Variants in XPR1 observed in about 807,000 individuals in gnomAD.
XPR1 encodes the protein xenotropic and polytropic retrovirus receptor 1.
Under a neutral mutation model 87.5 loss-of-function variants are expected in XPR1, and 28 were observed. The observed-to-expected ratio is 0.32, with a 90% CI of 0.24 to 0.44. XPR1 has a LOEUF of 0.44. XPR1 is among the 20% of genes least tolerant of loss of function. The pLI is 1.00. For synonymous variants in XPR1, 300 were observed against 306.1 expected (o/e 0.98, Z 0.21); for missense variants, 559 against 862.3 (o/e 0.65, Z 4.41).
intron 2 of XPR1, among the ~76,000 whole-genome samples, chr1:180,695,885 T>G (rs1229165046): frequency 6.6e-6 from 1 of 152,192 alleles, no homozygotes; most frequent in Admixed American, 6.5e-5. Context: ...GCTCTGTTCT[T>G]TTTGCTTGGG....
At chr1:180,651,551 A>G (rs1655292134) in intron 1 of XPR1, among the ~76,000 whole-genome samples, 1 of 152,196 alleles carries the variant, frequency 6.6e-6, no homozygotes, top group Admixed American at 6.5e-5. Context: ...TCTTAATGGT[A>G]CATGAAGTAA....
chr1:180,747,574 T>C (rs1361751385), intron 2 of XPR1, among the ~76,000 whole-genome samples: 1 of 152,220 alleles, frequency 6.6e-6, no homozygotes, highest in Non-Finnish European at 1.5e-5. Flanking sequence ...ATAAGTTGAT[T>C]GGAATTTAGA....
chr1:180,649,597 A>T (rs1240260611), intron 1 of XPR1, among the ~76,000 whole-genome samples: 7 of 152,246 alleles, frequency 4.6e-5, no homozygotes, highest in Non-Finnish European at 1.5e-5. Context: ...CACACAACCA[A>T]TATCCTAGTT....
chr1:180,745,464 G>C (rs1386881883), intron 2 of XPR1, among the ~76,000 whole-genome samples: 1 of 152,188 alleles, frequency 6.6e-6, no homozygotes, highest in Non-Finnish European at 1.5e-5. Context: ...CTTCGCTGCT[G>C]TAAGAAGAAA....
chr1:180,884,263 A>C lies in XPR1; in HGVS notation c.*197A>C, dbSNP rs918436393. On this transcript the variant is annotated 3_prime_UTR_variant, in exon 15 of 15. Coordinates refer to ENST00000367590, the MANE Select transcript of XPR1 (RefSeq NM_004736.4). ...TTTCTTTTCTTCTGGTTTAATTTTAATTTTCTATTTTCAAAACAAATATTT... is the reference window on the plus strand; with the variant it reads ...TTTCTTTTCTTCTGGTTTAATTTTACTTTTCTATTTTCAAAACAAATATTT... The C allele has an allele frequency of 4.3e-6, 2 of 470,082 alleles. No homozygotes were observed. The highest frequency in any genetic ancestry group is 7.6e-6 in the Non-Finnish European group (2 of 264,160). The allele number at this position is 470,082 out of a possible 1,614,324, so 29.1% of individuals were successfully genotyped here.
In XPR1 at chr1:180,652,535, A is replaced by G. The variant is rs527582661; in HGVS notation, c.69+20265A>G. On this transcript the variant is annotated intron_variant, in intron 1 of 14. Transcript: ENST00000367590. ...TGTGTCCATGTGACTTTCCAAGAGC[A>G]TTTAGTGGAAGTTAAATTACAGTGT... is the stretch of plus-strand genomic sequence containing the variant. 3.3e-5 allele frequency among the ~76,000 whole-genome samples: 5 copies of G among 152,340 alleles called. No homozygotes were observed. The East Asian group carries it at 9.6e-4, about 29-fold the overall frequency.
intron 9 of XPR1, among the ~76,000 whole-genome samples, chr1:180,825,879 C>T (rs937053508): frequency 1.3e-5 from 2 of 152,034 alleles, no homozygotes; most frequent in African/African-American, 2.4e-5. Flanking sequence ...GGTGAAACCC[C>T]GTCTCTACTA....
In XPR1 at chr1:180,810,538, C is replaced by T. The variant is rs115686385; in HGVS notation, c.682-869C>T. On this transcript the variant is annotated intron_variant, in intron 6 of 14. Coordinates refer to ENST00000367590, the MANE Select transcript of XPR1 (RefSeq NM_004736.4). ...AGGCTTCAGTAAGCTGTGATCACACCCCTGCGCTCCAGCCTAGGCGATAGG... is the reference window on the plus strand; with the variant it reads ...AGGCTTCAGTAAGCTGTGATCACACTCCTGCGCTCCAGCCTAGGCGATAGG... Among the ~76,000 whole-genome samples, 798 of 151,948 alleles carry T rather than the reference C, an allele frequency of 5.3e-3. 1 individual carries two copies. Among genetic ancestry groups the T allele is most frequent in the Non-Finnish European group, 7.5e-3 (508 of 67,960 alleles).
At chr1:180,851,118 A>G (rs1353637234) in intron 11 of XPR1, among the ~76,000 whole-genome samples, 1 of 152,184 alleles carries the variant, frequency 6.6e-6, no homozygotes, top group Non-Finnish European at 1.5e-5. Flanking sequence ...TTATTTGGTT[A>G]TAGAACAAAA....
chr1:180,793,787 A>G (rs1254471816), intron 3 of XPR1, among the ~76,000 whole-genome samples: 1 of 152,168 alleles, frequency 6.6e-6, no homozygotes, highest in Non-Finnish European at 1.5e-5. Context: ...TGTTAAAAAA[A>G]AGTGTTTTAT....
chr1:180,740,679 T>A (rs1461087576), intron 2 of XPR1, among the ~76,000 whole-genome samples: 1 of 152,184 alleles, frequency 6.6e-6, no homozygotes, highest in Non-Finnish European at 1.5e-5. Context: ...CTAAAATGAG[T>A]TGGGAAGTGT....
intron 11 of XPR1, among the ~76,000 whole-genome samples, chr1:180,839,644 A>C (rs1341416742): frequency 6.6e-6 from 1 of 152,186 alleles, no homozygotes; most frequent in Admixed American, 6.5e-5. Context: ...TAGATTAATA[A>C]AAGAAACGGT....
At chr1:180,704,531 T>C (rs1657485521) in intron 2 of XPR1, among the ~76,000 whole-genome samples, 1 of 151,272 alleles carries the variant, frequency 6.6e-6, no homozygotes, top group Admixed American at 6.6e-5. Flanking sequence ...TGTAACATTT[T>C]TCCAAAGATG....
At chr1:180,863,093 C>T (rs1652273285) in intron 11 of XPR1, among the ~76,000 whole-genome samples, 1 of 151,912 alleles carries the variant, frequency 6.6e-6, no homozygotes, top group African/African-American at 2.4e-5. Flanking sequence ...CAATAAACAC[C>T]CTCTAAGAAA....
At chr1:180,805,588 A>G (rs1231941792) in intron 4 of XPR1, among the ~76,000 whole-genome samples, 1 of 152,134 alleles carries the variant, frequency 6.6e-6, no homozygotes, top group East Asian at 1.9e-4. Flanking sequence ...TGGAACATGC[A>G]TGATTGCATG....
intron 11 of XPR1, among the ~76,000 whole-genome samples, chr1:180,853,766 G>A (rs1242966595): frequency 4.1e-5 from 6 of 148,134 alleles, no homozygotes; most frequent in African/African-American, 1.2e-4. Flanking sequence ...ACCTTCTGTG[G>A]CACAAATAAT....
At position 180,652,080 on chromosome 1, in the gene XPR1, T is replaced by A. The variant is rs532256676; in HGVS notation, c.69+19810T>A. On this transcript the variant is annotated intron_variant, in intron 1 of 14. Coordinates refer to ENST00000367590, the MANE Select transcript of XPR1 (RefSeq NM_004736.4). ...GCCAAGGCGCGCGGATCACATGAGG[T>A]CCGGAGTTTGAGACCAGCCTGGTCA... Among the ~76,000 whole-genome samples, 7 of 152,182 alleles carry A rather than the reference T, an allele frequency of 4.6e-5. No individual in the cohort carries two copies. The South Asian group carries it at 1.5e-3, about 32-fold the overall frequency.
intron 1 of XPR1, among the ~76,000 whole-genome samples, chr1:180,681,753 C>T (rs549356231): frequency 9.1e-4 from 139 of 152,194 alleles, no homozygotes; most frequent in Non-Finnish European, 9.6e-4. Flanking sequence ...CTGCAACTTC[C>T]GCCTCCTGGG....
intron 3 of XPR1, among the ~76,000 whole-genome samples, chr1:180,797,029 C>G (rs1049933036): frequency 2.6e-5 from 4 of 152,022 alleles, no homozygotes; most frequent in Admixed American, 2.6e-4. Flanking sequence ...GGATTGACAG[C>G]TAATGGCCAT....
Sources: gnomAD v4.1 joint callset for allele counts (sites outside exome capture counted in the v4.1 genomes callset) on GRCh38, gnomAD v4.1.1 for gene constraint, MANE v1.5 for transcripts, NCBI Gene and HGNC (gene_info 2026-07-23, HGNC 2026-07-21) for gene names.